SGTA: variants seen among roughly 807,000 people sequenced by gnomAD.
SGTA encodes small glutamine-rich tetratricopeptide repeat-containing protein alpha.
A neutral mutation model predicts 44.3 loss-of-function variants in SGTA; 22 were observed. That is an observed-to-expected ratio of 0.50 (90% confidence interval 0.36 to 0.71). The LOEUF is 0.71. Among genes scored for constraint, SGTA ranks in the 30% least tolerant of loss-of-function variants. The pLI is 0.00. For missense variants in SGTA, 341 were observed against 435.9 expected (o/e 0.78, Z 1.94); for synonymous variants, 174 against 177.6 (o/e 0.98, Z 0.16).
chr19:2,760,517 CAAAAAAA>C (rs58836148), intron 8 of SGTA, among the ~76,000 whole-genome samples: 5 of 51,634 alleles, frequency 9.7e-5, no homozygotes, highest in South Asian at 1.1e-3. Flanking sequence ...GACTCCATCT[CAAAAAAA>C]AAAAAAAAAA....
intron 4 of SGTA, among the ~76,000 whole-genome samples, chr19:2,766,739 T>A (rs1423090552): frequency 6.6e-6 from 1 of 151,966 alleles, no homozygotes; most frequent in Non-Finnish European, 1.5e-5. Flanking sequence ...CCCGGCCTCT[T>A]CTTGCTTTTT....
chr19:2,763,688 A>G lies in SGTA; in HGVS notation c.462T>C (p.Ile154=). The change falls in exon 6 of 12, where the codon ATT becomes ATC. Residue 154 remains isoleucine, a synonymous_variant. Transcript: ENST00000221566. The surrounding 1 kb of genome is among the most constrained non-coding windows in gnomAD (Gnocchi z 5.8). ...CGTAGGCCTTGCTGTAGGCCGGGTC[A>G]ATGCAGATGGCCCGCTCACAGTCCT... The part of the protein sequence containing the change: ...AVQDCERAIC[I]DPAYSKAYGR... 1.9e-6 allele frequency: 3 copies of G among 1,613,830 alleles called. No individual in the cohort carries two copies. The highest frequency in any genetic ancestry group is 1.7e-4 in the Middle Eastern group (1 of 6,032).
chr19:2,767,815 G>A lies in SGTA; in HGVS notation c.101-129C>T, dbSNP rs1452809608. The A allele has an allele frequency of 2.8e-6, 2 of 707,336 alleles. No homozygotes were observed. Among genetic ancestry groups the A allele is most frequent in the East Asian group, 5.4e-5 (2 of 36,870 alleles). The allele number at this position is 707,336 out of a possible 1,614,324, so 43.8% of individuals were successfully genotyped here. A position where few individuals can be genotyped will look rare whatever the true frequency, so the allele number is the denominator to read the frequency against. ...CATTCCCAAGGACCCCAGAACGCAGGGGCCGCCGCCTGTGCTCTGGGCTGG... is the reference window on the plus strand; with the variant it reads ...CATTCCCAAGGACCCCAGAACGCAGAGGCCGCCGCCTGTGCTCTGGGCTGG... On this transcript the variant is annotated intron_variant, in intron 2 of 11. Transcript: ENST00000221566. The surrounding 1 kb of genome is among the most constrained non-coding windows in gnomAD (Gnocchi z 7.3).
chr19:2,769,643 T>C lies in SGTA; in HGVS notation c.-23-552A>G, dbSNP rs568716505. Among the ~76,000 whole-genome samples, 18 of 152,324 alleles carry C rather than the reference T, an allele frequency of 1.2e-4. No individual in the cohort carries two copies. The East Asian group carries it at 3.1e-3, about 26-fold the overall frequency. On this transcript the variant is annotated intron_variant, in intron 1 of 11. Transcript: ENST00000221566. ...GGGGCCAGGTGTGCCTGCCCTGGTATCACTGTTTCACAGGACTTGCAGAGG... is the reference window on the plus strand; with the variant it reads ...GGGGCCAGGTGTGCCTGCCCTGGTACCACTGTTTCACAGGACTTGCAGAGG...
intron 1 of SGTA, among the ~76,000 whole-genome samples, chr19:2,778,238 G>A (rs1010572710): frequency 2.0e-5 from 3 of 152,102 alleles, no homozygotes; most frequent in Non-Finnish European, 4.4e-5. Context: ...TGTGTGTGGA[G>A]GGGGATGTGC....
In SGTA at chr19:2,763,675, T is replaced by C. The variant is rs766452636; in HGVS notation, c.475A>G (p.Ser159Gly). 11 of 1,613,400 alleles carry C rather than the reference T, an allele frequency of 6.8e-6. No homozygotes were observed. Among genetic ancestry groups the C allele is most frequent in the African/African-American group, 1.3e-5 (1 of 74,932 alleles). Reference protein sequence around the residue: ...ERAICIDPAYSKAYGRMGLAL... With the variant: ...ERAICIDPAYGKAYGRMGLAL... ...CACCCCATCCTGCCGTAGGCCTTGC[T>C]GTAGGCCGGGTCAATGCAGATGGCC... is the stretch of plus-strand genomic sequence containing the variant. Residue 159 changes from serine (S) to glycine (G), a missense_variant, in exon 6 of 12, where the codon AGC becomes GGC. Physicochemically the swap from Ser to Gly is moderately conservative, Grantham distance 56. Transcript: ENST00000221566. This position sits in a 1 kb window ranked among gnomAD's most constrained non-coding sequence, Gnocchi z 5.8.
intron 1 of SGTA, among the ~76,000 whole-genome samples, chr19:2,774,892 T>G (rs889928627): frequency 6.6e-6 from 1 of 152,118 alleles, no homozygotes; most frequent in Non-Finnish European, 1.5e-5. Flanking sequence ...CTCTCCAGAT[T>G]CTGTCTCTCT....
At chr19:2,775,307 A>T (rs534877269) in intron 1 of SGTA, among the ~76,000 whole-genome samples, 1 of 152,340 alleles carries the variant, frequency 6.6e-6, no homozygotes, top group African/African-American at 2.4e-5. Context: ...CATGAGGTGA[A>T]CAGCCACCAC....
At position 2,772,255 on chromosome 19, in the gene SGTA, C is replaced by T. The variant is rs574379133; in HGVS notation, c.-23-3164G>A. Among the ~76,000 whole-genome samples the T allele has an allele frequency of 5.3e-5, 8 of 152,328 alleles. No homozygotes were observed. The South Asian group carries it at 1.2e-3, about 24-fold the overall frequency. ...AAGAGGCCGCCAGCCTCGGGATGGA[C>T]GAGGAAGGGCGAGGCCTGAAGGAAT... On this transcript the variant is annotated intron_variant, in intron 1 of 11. Coordinates refer to ENST00000221566, the MANE Select transcript of SGTA (RefSeq NM_003021.4).
chr19:2,757,016 G>C lies in SGTA; in HGVS notation c.*6+321C>G, dbSNP rs1035018024. ...AGCTTCTGCAGGCGGCCTTAGGCAG[G>C]GGGGACCCCAGACACCAGCCCTTCC... is the stretch of plus-strand genomic sequence containing the variant. On this transcript the variant is annotated intron_variant, in intron 11 of 11. Transcript: ENST00000221566. Among the ~76,000 whole-genome samples the C allele has an allele frequency of 5.9e-5, 9 of 152,316 alleles. No homozygotes were observed. The East Asian group carries it at 1.4e-3, about 23-fold the overall frequency.
chr19:2,771,347 C>T (rs935646571), intron 1 of SGTA, among the ~76,000 whole-genome samples: 1 of 152,080 alleles, frequency 6.6e-6, no homozygotes, highest in Admixed American at 6.5e-5. Context: ...TCACTTGAAC[C>T]AGGGAGTTGG....
intron 2 of SGTA, 136 bp downstream of exon 2, chr19:2,768,833 C>T (rs975762832): frequency 2.9e-6 from 2 of 678,388 alleles, no homozygotes; most frequent in Non-Finnish European, 5.2e-6. Context: ...TGGGCAGACC[C>T]CTGCCCTCTC....
chr19:2,767,124 G>A lies in SGTA; in HGVS notation c.292+12C>T, dbSNP rs769948329. 14 of 1,599,944 alleles carry A rather than the reference G, an allele frequency of 8.8e-6. No homozygotes were observed. The South Asian group carries it at 1.6e-4, about 18-fold the overall frequency. On this transcript the variant is annotated intron_variant, in intron 4 of 11. Transcript: ENST00000221566. The surrounding 1 kb of genome is among the most constrained non-coding windows in gnomAD (Gnocchi z 7.3). ...GGGCGAGGTGTCTGTGGGGATGGAG[G>A]TCCTCCCTTACCTTCGGTTTTGAGG...
chr19:2,759,675 CT>C (rs544412959), intron 8 of SGTA: 136 of 224,262 alleles, frequency 6.1e-4, no homozygotes, highest in African/African-American at 3.0e-3. Context: ...ATAAATAGCA[CT>C]GTGGCTGGGC....
Position 2,757,876 on chromosome 19 carries a change from G to A in SGTA, c.738-94C>T, listed in dbSNP as rs181739064. 1,500 of 796,028 alleles carry A rather than the reference G, an allele frequency of 1.9e-3. 22 individuals carry two copies. The African/African-American group carries it at 0.023, about 12-fold the overall frequency. 49.3% of individuals were successfully genotyped at this position (796,028 alleles called of 1,614,324 possible). On this transcript the variant is annotated intron_variant, in intron 9 of 11. Coordinates refer to ENST00000221566, the MANE Select transcript of SGTA (RefSeq NM_003021.4). Reference sequence around the variant, plus strand: ...GTGGCCCGGGAGAGAATCCCTCTCAGCCCTTCACCTTCCCCTGCAGGAGAG... The same window carrying A: ...GTGGCCCGGGAGAGAATCCCTCTCAACCCTTCACCTTCCCCTGCAGGAGAG...
rs377374122 is a variant in SGTA at position 2,767,545 on chromosome 19, T to C, written c.207+35A>G. Reference sequence around the variant, plus strand: ...GCTGCCTGCTGTTGCTGTTCTTATTTTGGGGGCAGTGGCTGGGGAAGCATC... The same window carrying C: ...GCTGCCTGCTGTTGCTGTTCTTATTCTGGGGGCAGTGGCTGGGGAAGCATC... On this transcript the variant is annotated intron_variant, in intron 3 of 11. Coordinates refer to ENST00000221566, the MANE Select transcript of SGTA (RefSeq NM_003021.4). This position sits in a 1 kb window ranked among gnomAD's most constrained non-coding sequence, Gnocchi z 7.3. 62 of 1,550,408 alleles carry C rather than the reference T, an allele frequency of 4.0e-5. No homozygotes were observed. The African/African-American group carries it at 7.0e-4, about 18-fold the overall frequency.
Position 2,763,725 on chromosome 19 carries a change from G to C in SGTA, c.425C>G (p.Ala142Gly). Reference protein sequence around the residue: ...AAAYSKLGNYAGAVQDCERAI... With the variant: ...AAAYSKLGNYGGAVQDCERAI... ...CCGCTCACAGTCCTGCACCGCGCCTGCGTAGTTGCCGAGTTTGCTGTAGGC... is the reference window on the plus strand; with the variant it reads ...CCGCTCACAGTCCTGCACCGCGCCTCCGTAGTTGCCGAGTTTGCTGTAGGC... Residue 142 changes from alanine to glycine, a missense_variant, in exon 6 of 12, where the codon GCA (alanine) becomes GGA (glycine). By Grantham distance (60) the Ala-to-Gly change is moderately conservative. Coordinates refer to ENST00000221566, the MANE Select transcript of SGTA (RefSeq NM_003021.4). This position sits in a 1 kb window ranked among gnomAD's most constrained non-coding sequence, Gnocchi z 5.8. 1 of 1,613,832 alleles carries C rather than the reference G, an allele frequency of 6.2e-7. No homozygotes were observed. Among genetic ancestry groups the C allele is most frequent in the Non-Finnish European group, 8.5e-7 (1 of 1,179,966 alleles).
In SGTA at chr19:2,764,754, C is replaced by T. The variant is rs866422474; in HGVS notation, c.392+432G>A. On this transcript the variant is annotated intron_variant, in intron 5 of 11. Transcript: ENST00000221566. ...GCTAATTTTGTATTTTTAGTAAAGA[C>T]GGGGTTTCACCATGTTAGCCAGGCT... is the stretch of plus-strand genomic sequence containing the variant. Among the ~76,000 whole-genome samples, 7 of 152,178 alleles carry T rather than the reference C, an allele frequency of 4.6e-5. No homozygotes were observed. The Middle Eastern group carries it at 0.014, about 296-fold the overall frequency.
intron 1 of SGTA, among the ~76,000 whole-genome samples, chr19:2,779,825 C>A (rs947257617): frequency 3.3e-5 from 5 of 152,188 alleles, no homozygotes. Flanking sequence ...GTAATCCCAG[C>A]ACTTTGGGAG....
Sources: allele counts gnomAD v4.1 joint callset (sites outside exome capture counted in the v4.1 genomes callset), GRCh38; gene constraint gnomAD v4.1.1; non-coding constraint Gnocchi (gnomAD v3.1); transcripts MANE v1.5; gene names NCBI Gene and HGNC (gene_info 2026-07-23, HGNC 2026-07-21).